The following MNT variants were observed in gnomAD, a reference collection of about 807,000 sequenced individuals.
MNT encodes max-binding protein MNT.
Under a neutral mutation model 40.7 loss-of-function variants are expected in MNT, and 13 were observed. That is an observed-to-expected ratio of 0.32 (90% CI 0.21 to 0.51). MNT has a LOEUF of 0.51. Ranked by LOEUF, MNT falls within the 20% of genes least tolerant of loss-of-function variation. MNT has a pLI of 0.98. For missense variants in MNT, 757 were observed against 792.0 expected (o/e 0.96, Z 0.53); for synonymous variants, 426 against 354.8 (o/e 1.20, Z -2.26).
chr17:2,400,568 G>C, intron 1 of MNT, 72 bp downstream of exon 1: 1 of 1,443,698 alleles, frequency 6.9e-7, no homozygotes, highest in Non-Finnish European at 9.2e-7. Context: ...CCGCGGTTTC[G>C]CGTGGGTTCG....
chr17:2,398,498 G>A (rs1035113491), intron 1 of MNT, among the ~76,000 whole-genome samples: 5 of 152,220 alleles, frequency 3.3e-5, no homozygotes, highest in African/African-American at 1.2e-4. Context: ...TCCTGCCCCA[G>A]CTCAGAGGAC....
At chr17:2,393,381 A>G (rs1242774950) in intron 4 of MNT, among the ~76,000 whole-genome samples, 2 of 152,168 alleles carry the variant, frequency 1.3e-5, no homozygotes, top group Non-Finnish European at 2.9e-5. Context: ...AGGGCCCCGA[A>G]AAAAGAGACA....
chr17:2,394,769 CA>C (rs2066561042), intron 2 of MNT, 105 bp downstream of exon 2: 8 of 749,722 alleles, frequency 1.1e-5, no homozygotes, highest in South Asian at 3.4e-5. Flanking sequence ...TGTTCAAATA[CA>C]GGGGGCACTT....
intron 5 of MNT, 101 bp from the exon 6 acceptor site, chr17:2,387,750 G>A: frequency 1.9e-6 from 3 of 1,553,302 alleles, no homozygotes; most frequent in Non-Finnish European, 1.7e-6. Context: ...TGGGGCTGGG[G>A]CCAGGGCCAT....
rs1382824678 is a variant in MNT at position 2,387,919 on chromosome 17, T to C, written c.938A>G (p.Asp313Gly). 1 of 1,608,458 alleles carries C rather than the reference T, an allele frequency of 6.2e-7. No individual in the cohort carries two copies. Among genetic ancestry groups the C allele is most frequent in the South Asian group, 1.1e-5 (1 of 90,698 alleles). The change falls in exon 5 of 6, where the codon GAC (aspartate) becomes GGC (glycine). Residue 313 changes from aspartate (D) to glycine (G), a missense_variant. Physicochemically the swap from Asp to Gly is moderately conservative, Grantham distance 94. Coordinates refer to ENST00000174618, the MANE Select transcript of MNT (RefSeq NM_020310.3). ...LSQWMDVLEI[D>G]RVLRQTGQPE... The stretch of plus-strand genomic sequence containing the variant: ...CTGGCCCGTCTGCCGCAGCACGCGG[T>C]CAATCTCCAGTACGTCCATCCACTG...
intron 2 of MNT, 94 bp downstream of exon 2, chr17:2,394,781 C>G: frequency 2.3e-6 from 2 of 888,196 alleles, no homozygotes; most frequent in East Asian, 2.6e-5. Context: ...GGGGGCACTT[C>G]TAAGCTGGGG....
Position 2,395,160 on chromosome 17 carries a change from A to T in MNT, c.368T>A (p.Leu123Gln). Reference sequence around the variant, plus strand: ...AATGCTGAGTCCGGGGGCGCCAACCAGGGCCGGCTGACGAGGCGCCAGGGG... The same window carrying T: ...AATGCTGAGTCCGGGGGCGCCAACCTGGGCCGGCTGACGAGGCGCCAGGGG... ...PLPLAPRQPALVGAPGLSIKE... is the reference protein window; with the variant it reads ...PLPLAPRQPAQVGAPGLSIKE... Residue 123 changes from leucine (L) to glutamine (Q), a missense_variant, in exon 2 of 6, where the codon CTG (leucine) becomes CAG (glutamine). Coordinates refer to ENST00000174618, the MANE Select transcript of MNT (RefSeq NM_020310.3). 7.5e-7 allele frequency: 1 copy of T among 1,336,386 alleles called. No individual in the cohort carries two copies. The highest frequency in any genetic ancestry group is 9.6e-7 in the Non-Finnish European group (1 of 1,044,254). 82.8% of individuals were successfully genotyped at this position (1,336,386 alleles called of 1,614,324 possible). A position where few individuals can be genotyped will look rare whatever the true frequency, so the allele number is the denominator to read the frequency against.
intron 4 of MNT, among the ~76,000 whole-genome samples, chr17:2,392,259 G>A (rs2066522704): frequency 6.6e-6 from 1 of 152,186 alleles, no homozygotes; most frequent in Non-Finnish European, 1.5e-5. Context: ...TGAATAAATG[G>A]TTTGTAGACA....
In MNT at chr17:2,395,052, G is replaced by T. The variant is rs751334803; in HGVS notation, c.476C>A (p.Pro159His). 5.4e-5 allele frequency: 85 copies of T among 1,566,130 alleles called. 3 individuals are homozygous for T. The East Asian group carries it at 1.5e-3, about 28-fold the overall frequency. Reference sequence around the variant, plus strand: ...CTGCAAAGGCTTGGGGCTGCCATTGGGTGGAATGGTGGCCTTCGAGTCCGG... The same window carrying T: ...CTGCAAAGGCTTGGGGCTGCCATTGTGTGGAATGGTGGCCTTCGAGTCCGG... ...LLPDSKATIP[P>H]NGSPKPLQPL... Residue 159 changes from proline (P) to histidine (H), a missense_variant, in exon 2 of 6, where the codon CCC becomes CAC. By Grantham distance (77) the Pro-to-His change is moderately conservative (BLOSUM62 -2). This residue lies in a region of MNT where 335 missense variants were observed against 291.4 expected (regional missense o/e 1.15). Transcript: ENST00000174618.
chr17:2,388,860 G>C (rs1225694326), intron 4 of MNT, among the ~76,000 whole-genome samples: 1 of 151,940 alleles, frequency 6.6e-6, no homozygotes, highest in Non-Finnish European at 1.5e-5. Flanking sequence ...TTTTCGCCCA[G>C]GCACGTCATG....
rs2066611374 is a variant in MNT at position 2,400,992 on chromosome 17, C to G, written c.-280G>C. 1 of 318,534 alleles carries G rather than the reference C, an allele frequency of 3.1e-6. No individual in the cohort carries two copies. Among genetic ancestry groups the G allele is most frequent in the Non-Finnish European group, 5.8e-6 (1 of 173,510 alleles). The allele number at this position is 318,534 out of a possible 1,614,324, so 19.7% of individuals were successfully genotyped here. A position where few individuals can be genotyped will look rare whatever the true frequency, so the allele number is the denominator to read the frequency against. ...CCCTTCTTCCCCTCCCTCTCTACCTCCCTTCCGATGCCTCCCGCCCCGCGG... is the reference window on the plus strand; with the variant it reads ...CCCTTCTTCCCCTCCCTCTCTACCTGCCTTCCGATGCCTCCCGCCCCGCGG... On this transcript the variant is annotated 5_prime_UTR_variant, in exon 1 of 6. Transcript: ENST00000174618.
chr17:2,396,209 G>A (rs1290777701), intron 1 of MNT, among the ~76,000 whole-genome samples: 1 of 152,208 alleles, frequency 6.6e-6, no homozygotes, highest in African/African-American at 2.4e-5. Context: ...CCGAGGCTAG[G>A]TCCCAATGCC....
Position 2,400,885 on chromosome 17 carries a change from T to TG in MNT, c.-174dup. The TG allele has an allele frequency of 2.3e-6, 1 of 434,088 alleles. No individual in the cohort carries two copies. Among genetic ancestry groups the TG allele is most frequent in the East Asian group, 3.7e-5 (1 of 27,056 alleles). The allele number at this position is 434,088 out of a possible 1,614,324, so 26.9% of individuals were successfully genotyped here. On this transcript the variant is annotated 5_prime_UTR_variant, in exon 1 of 6. Coordinates refer to ENST00000174618, the MANE Select transcript of MNT (RefSeq NM_020310.3). ...GGGGGAGCACGGGGAGAAAAATCAA[T>TG]GTCTCTCAAAATATTTGCAAAATAT...
Position 2,385,782 on chromosome 17 carries a change from G to C in MNT, c.*1119C>G, listed in dbSNP as rs1239830949. The C allele has an allele frequency of 6.6e-6, 1 of 152,282 alleles. No individual in the cohort carries two copies. Among genetic ancestry groups the C allele is most frequent in the African/African-American group, 2.4e-5 (1 of 41,472 alleles). The allele number at this position is 152,282 out of a possible 1,614,324, so 9.4% of individuals were successfully genotyped here. A position where few individuals can be genotyped will look rare whatever the true frequency, so the allele number is the denominator to read the frequency against. Reference sequence around the variant, plus strand: ...TGTATAGGTCCCAGGGTTGGTCTGGGGACAGGCTTAGGGCTTGGCTAAGCC... The same window carrying C: ...TGTATAGGTCCCAGGGTTGGTCTGGCGACAGGCTTAGGGCTTGGCTAAGCC... On this transcript the variant is annotated 3_prime_UTR_variant, in exon 6 of 6. Coordinates refer to ENST00000174618, the MANE Select transcript of MNT (RefSeq NM_020310.3).
In MNT at chr17:2,394,273, GCACGCACACACACACA is replaced by G; in HGVS notation, c.695+16_695+31del. On this transcript the variant is annotated intron_variant, in intron 3 of 5. Coordinates refer to ENST00000174618, the MANE Select transcript of MNT (RefSeq NM_020310.3). ...GGGCCCGGGTCGCGCGCGCACGCACGCACGCACACACACACACACACACACACACACCTGTTCTTCT... is the reference window on the plus strand; with the variant it reads ...GGGCCCGGGTCGCGCGCGCACGCACGCACACACACACACACCTGTTCTTCT... 7.4e-7 allele frequency: 1 copy of G among 1,351,278 alleles called. No homozygotes were observed. The highest frequency in any genetic ancestry group is 9.9e-7 in the Non-Finnish European group (1 of 1,007,724). The allele number at this position is 1,351,278 out of a possible 1,614,324, so 83.7% of individuals were successfully genotyped here.
rs2066452547 is a variant in MNT, at chr17:2,385,726, A to C, written c.*1175T>G. ...GACAGAGGCAAAGGGGCTGGAGCAG[A>C]AGCAGCAGCCCTAGCTCTGGCCCTC... On this transcript the variant is annotated 3_prime_UTR_variant, in exon 6 of 6. Coordinates refer to ENST00000174618, the MANE Select transcript of MNT (RefSeq NM_020310.3). 1 of 152,368 alleles carries C rather than the reference A, an allele frequency of 6.6e-6. No individual in the cohort carries two copies. Among genetic ancestry groups the C allele is most frequent in the Admixed American group, 6.5e-5 (1 of 15,292 alleles). The allele number at this position is 152,368 out of a possible 1,614,324, so 9.4% of individuals were successfully genotyped here. A position where few individuals can be genotyped will look rare whatever the true frequency, so the allele number is the denominator to read the frequency against.
rs1294099040 is a variant in MNT, at chr17:2,395,155, C to T, written c.373G>A (p.Gly125Ser). The change falls in exon 2 of 6, where the codon GGC becomes AGC. Residue 125 changes from glycine (G) to serine (S), a missense_variant. By Grantham distance (56) the Gly-to-Ser change is moderately conservative. This residue lies in a region of MNT where 335 missense variants were observed against 291.4 expected (regional missense o/e 1.15). Coordinates refer to ENST00000174618, the MANE Select transcript of MNT (RefSeq NM_020310.3). ...PLAPRQPALV[G>S]APGLSIKEPA... ...TCCTTAATGCTGAGTCCGGGGGCGCCAACCAGGGCCGGCTGACGAGGCGCC... is the reference window on the plus strand; with the variant it reads ...TCCTTAATGCTGAGTCCGGGGGCGCTAACCAGGGCCGGCTGACGAGGCGCC... 4.1e-6 allele frequency: 6 copies of T among 1,454,682 alleles called. No homozygotes were observed. The highest frequency in any genetic ancestry group is 5.4e-6 in the Non-Finnish European group (6 of 1,107,594). The allele number at this position is 1,454,682 out of a possible 1,614,324, so 90.1% of individuals were successfully genotyped here.
In MNT at chr17:2,387,404, G is replaced by C. The variant is rs975246485; in HGVS notation, c.1246C>G (p.Pro416Ala). The C allele has an allele frequency of 1.2e-6, 2 of 1,611,824 alleles. No individual in the cohort carries two copies. Among genetic ancestry groups the C allele is most frequent in the Non-Finnish European group, 1.7e-6 (2 of 1,178,910 alleles). Residue 416 changes from proline (P) to alanine (A), a missense_variant, in exon 6 of 6, where the codon CCG becomes GCG. Physicochemically the swap from Pro to Ala is conservative, Grantham distance 27. Coordinates refer to ENST00000174618, the MANE Select transcript of MNT (RefSeq NM_020310.3). ...ACCAGTGTCTGGGCAGGGGCAGCCGGTGGGGGAGGAGGGGCTGGCAGAGGG... is the reference window on the plus strand; with the variant it reads ...ACCAGTGTCTGGGCAGGGGCAGCCGCTGGGGGAGGAGGGGCTGGCAGAGGG... ...KTPLPAPPPP[P>A]AAPAQTLVPA...
In MNT at chr17:2,385,443, G is replaced by C. The variant is rs897110929; in HGVS notation, c.*1458C>G. On this transcript the variant is annotated 3_prime_UTR_variant, in exon 6 of 6. Coordinates refer to ENST00000174618, the MANE Select transcript of MNT (RefSeq NM_020310.3). Reference sequence around the variant, plus strand: ...CCACTGGTGAGTGTGTGTCCAGGTGGGGAGCCGAGCGTGTCTGACACAAAG... The same window carrying C: ...CCACTGGTGAGTGTGTGTCCAGGTGCGGAGCCGAGCGTGTCTGACACAAAG... The C allele has an allele frequency of 2.0e-5, 3 of 152,276 alleles. No homozygotes were observed. The highest frequency in any genetic ancestry group is 2.9e-5 in the Non-Finnish European group (2 of 68,070). The allele number at this position is 152,276 out of a possible 1,614,324, so 9.4% of individuals were successfully genotyped here. A position where few individuals can be genotyped will look rare whatever the true frequency, so the allele number is the denominator to read the frequency against.
Sources: allele counts gnomAD v4.1 joint callset (sites outside exome capture counted in the v4.1 genomes callset), GRCh38; gene constraint gnomAD v4.1.1; regional missense constraint gnomAD v4.1.1; transcripts MANE v1.5; gene names NCBI Gene and HGNC (gene_info 2026-07-23, HGNC 2026-07-21).